The following NRXN3 variants were observed in gnomAD, a reference collection of about 807,000 sequenced individuals.
The protein encoded by NRXN3 is neurexin 3.
Under a neutral mutation model 137.6 loss-of-function variants are expected in NRXN3, and 32 were observed. That is an observed-to-expected ratio of 0.23 (90% CI 0.18 to 0.31). NRXN3 has a LOEUF of 0.31. Ranked by LOEUF, NRXN3 falls within the 10% of genes least tolerant of loss-of-function variation. The probability of loss-of-function intolerance (pLI) is 1.00; values close to 1 mark genes in which losing one functional copy is unlikely to be tolerated. For synonymous variants in NRXN3, 798 were observed against 784.5 expected, an observed-to-expected ratio of 1.02 and a Z score of -0.29; for missense variants, 1,574 against 2,062.5, an observed-to-expected ratio of 0.76 and a Z score of 4.59.
intron 10 of NRXN3, among the ~76,000 whole-genome samples, chr14:78,820,676 A>G (rs1426390740): frequency 6.6e-6 from 1 of 152,172 alleles, no homozygotes; most frequent in Non-Finnish European, 1.5e-5. Context: ...AGATTCCTCA[A>G]GGGACCCTGT....
chr14:78,874,654 A>G (rs1210991931), intron 10 of NRXN3, among the ~76,000 whole-genome samples: 1 of 152,156 alleles, frequency 6.6e-6, no homozygotes, highest in Non-Finnish European at 1.5e-5. Context: ...CTCCCAAGAC[A>G]ACATCCTCGT....
intron 15 of NRXN3, among the ~76,000 whole-genome samples, chr14:78,990,614 G>A (rs184398555): frequency 4.6e-5 from 7 of 151,846 alleles, no homozygotes; most frequent in Non-Finnish European, 8.8e-5. Context: ...CTCGTGATCC[G>A]CCCTCCTCAG....
intron 8 of NRXN3, among the ~76,000 whole-genome samples, chr14:78,756,043 C>T (rs2098666757): frequency 6.6e-6 from 1 of 152,134 alleles, no homozygotes; most frequent in African/African-American, 2.4e-5. Flanking sequence ...CACAAGGCTG[C>T]TTATAGCAAG....
intron 1 of NRXN3, among the ~76,000 whole-genome samples, chr14:78,221,936 G>A (rs1222089806): frequency 6.6e-6 from 1 of 152,206 alleles, no homozygotes; most frequent in Non-Finnish European, 1.5e-5. Context: ...CATGCAGGCA[G>A]GAGGCGACAG....
At chr14:78,406,161 T>C (rs2092469291) in intron 4 of NRXN3, among the ~76,000 whole-genome samples, 1 of 152,154 alleles carries the variant, frequency 6.6e-6, no homozygotes, top group Non-Finnish European at 1.5e-5. Flanking sequence ...GAAATTAAGA[T>C]GGGCTTTGAA....
chr14:78,457,484 T>C (rs1193031613), intron 4 of NRXN3, among the ~76,000 whole-genome samples: 1 of 152,178 alleles, frequency 6.6e-6, no homozygotes, highest in Non-Finnish European at 1.5e-5. Flanking sequence ...TTCTGAGTTC[T>C]TTGACTCAGG....
At chr14:78,428,609 G>A (rs570870259) in intron 4 of NRXN3, among the ~76,000 whole-genome samples, 2 of 152,262 alleles carry the variant, frequency 1.3e-5, no homozygotes, top group South Asian at 2.1e-4. Context: ...ATTGGCTCAC[G>A]TGATTATGGA....
intron 16 of NRXN3, among the ~76,000 whole-genome samples, chr14:79,634,219 T>C (rs2098385114): frequency 6.6e-6 from 1 of 152,188 alleles, no homozygotes; most frequent in African/African-American, 2.4e-5. Flanking sequence ...GACTTACTTC[T>C]GCACACTTCA....
rs544400433 is a variant in NRXN3, at chr14:78,641,429, G to A, written c.758-3691G>A. Among the ~76,000 whole-genome samples the A allele has an allele frequency of 5.6e-4, 85 of 152,186 alleles. 1 individual carries two copies. Among genetic ancestry groups the A allele is most frequent in the South Asian group, 2.9e-3 (14 of 4,818 alleles). On this transcript the variant is annotated intron_variant, in intron 4 of 20. Coordinates refer to ENST00000335750, the MANE Select transcript of NRXN3 (RefSeq NM_001330195.2). ...AGAGCTTGCAGTGAGTCGAGGTCGTGCCACTGCACTCCAGCCTGGGGGACA... is the reference window on the plus strand; with the variant it reads ...AGAGCTTGCAGTGAGTCGAGGTCGTACCACTGCACTCCAGCCTGGGGGACA...
At chr14:79,785,796 C>T (rs1217474448) in intron 19 of NRXN3, among the ~76,000 whole-genome samples, 1 of 152,068 alleles carries the variant, frequency 6.6e-6, no homozygotes, top group East Asian at 1.9e-4. Context: ...CCTTTGAGAC[C>T]ACTAACCAGA....
chr14:78,989,113 T>C (rs1416428353), intron 15 of NRXN3, among the ~76,000 whole-genome samples: 1 of 152,220 alleles, frequency 6.6e-6, no homozygotes, highest in Non-Finnish European at 1.5e-5. Context: ...ACTCTGTGGG[T>C]CCTGCTAACC....
At position 79,011,365 on chromosome 14, in the gene NRXN3, G is replaced by GC. The variant is rs1246917281; in HGVS notation, c.3262+23231dup. Among the ~76,000 whole-genome samples the GC allele has an allele frequency of 2.6e-4, 6 of 22,702 alleles. No homozygotes were observed. In the East Asian group the frequency reaches 7.9e-3, roughly 30 times the overall value. The allele number at this position is 22,702 out of a possible 152,430, so 14.9% of individuals were successfully genotyped here. On this transcript the variant is annotated intron_variant, in intron 15 of 20. Transcript: ENST00000335750. Reference sequence around the variant, plus strand: ...TCCTTTTAATGGGCTGGATTTCCCCGCCCCCCCACCTCCCCCCAACCCACC... The same window carrying GC: ...TCCTTTTAATGGGCTGGATTTCCCCGCCCCCCCCACCTCCCCCCAACCCACC...
At chr14:78,306,422 C>G (rs2077374572) in intron 4 of NRXN3, among the ~76,000 whole-genome samples, 1 of 152,130 alleles carries the variant, frequency 6.6e-6, no homozygotes, top group Non-Finnish European at 1.5e-5. Context: ...ATAAACTTGA[C>G]TTTGATAGCA....
intron 4 of NRXN3, among the ~76,000 whole-genome samples, chr14:78,384,635 A>G (rs2366155): frequency 0.14 from 21,669 of 152,122 alleles, 1,807 homozygotes; most frequent in East Asian, 0.3. Context: ...GAGGGTGGAA[A>G]GAGAGAACCC....
intron 4 of NRXN3, among the ~76,000 whole-genome samples, chr14:78,360,364 A>G (rs1462888587): frequency 1.3e-5 from 2 of 152,200 alleles, no homozygotes; most frequent in Admixed American, 6.5e-5. Flanking sequence ...ACTGCTTTAT[A>G]TATGTTTATT....
Position 79,378,827 on chromosome 14 carries a change from CA to C in NRXN3, c.3263-88393del, listed in dbSNP as rs549311057. On this transcript the variant is annotated intron_variant, in intron 15 of 20. Coordinates refer to ENST00000335750, the MANE Select transcript of NRXN3 (RefSeq NM_001330195.2). ...TATGGAGCTTAACTCATTGTGAGCC[CA>C]TTGACATCCTGAAATACTTGCTGAA... is the stretch of plus-strand genomic sequence containing the variant. Among the ~76,000 whole-genome samples the C allele has an allele frequency of 4.5e-4, 68 of 151,106 alleles. No homozygotes were observed. In the South Asian group the frequency reaches 0.014, roughly 31 times the overall value.
At chr14:79,832,981 C>A (rs2099327975) in intron 20 of NRXN3, among the ~76,000 whole-genome samples, 1 of 151,888 alleles carries the variant, frequency 6.6e-6, no homozygotes, top group Non-Finnish European at 1.5e-5. Flanking sequence ...TAAAGAGAAA[C>A]AATGAAAAGT....
intron 4 of NRXN3, among the ~76,000 whole-genome samples, chr14:78,425,052 A>G (rs2093608626): frequency 6.6e-6 from 1 of 152,220 alleles, no homozygotes; most frequent in South Asian, 2.1e-4. Context: ...GGACTGAACT[A>G]CAGCCTCAGA....
At chr14:78,353,027 C>T (rs778187969) in intron 4 of NRXN3, among the ~76,000 whole-genome samples, 1 of 152,132 alleles carries the variant, frequency 6.6e-6, no homozygotes, top group African/African-American at 2.4e-5. Flanking sequence ...GAGTAAGGAT[C>T]GATCACATTC....
Sources: allele counts gnomAD v4.1 joint callset (sites outside exome capture counted in the v4.1 genomes callset), GRCh38; gene constraint gnomAD v4.1.1; transcripts MANE v1.5; gene names NCBI Gene and HGNC (gene_info 2026-07-23, HGNC 2026-07-21).